Variants in ADAM10 observed in about 807,000 individuals in gnomAD.
ADAM10 encodes the protein ADAM metallopeptidase domain 10, also known as disintegrin and metalloproteinase domain-containing protein 10.
A neutral mutation model predicts 90.1 loss-of-function variants in ADAM10; 17 were observed. The observed-to-expected ratio is 0.19, with a 90% CI of 0.13 to 0.28. The LOEUF (loss-of-function observed/expected upper bound fraction) is 0.28. Ranked by LOEUF, ADAM10 falls within the 10% of genes least tolerant of loss-of-function variation. ADAM10 has a pLI of 1.00. For missense variants in ADAM10, 610 were observed against 914.3 expected, an observed-to-expected ratio of 0.67 and a Z score of 4.29; for synonymous variants, 310 against 298.6, an observed-to-expected ratio of 1.04 and a Z score of -0.40.
chr15:58,661,850 A>G (rs544034438), intron 5 of ADAM10, among the ~76,000 whole-genome samples: 39 of 152,248 alleles, frequency 2.6e-4, no homozygotes, highest in African/African-American at 8.9e-4. Flanking sequence ...TGCAGTAATT[A>G]ATTTTCTTTT....
At chr15:58,744,571 A>G (rs1293777510) in intron 1 of ADAM10, among the ~76,000 whole-genome samples, 1 of 152,234 alleles carries the variant, frequency 6.6e-6, no homozygotes, top group Non-Finnish European at 1.5e-5. Context: ...GAAAAATTAA[A>G]AACAGAAACT....
At chr15:58,638,645 A>G (rs976552410) in intron 8 of ADAM10, among the ~76,000 whole-genome samples, 2 of 151,168 alleles carry the variant, frequency 1.3e-5, no homozygotes, top group Admixed American at 6.6e-5. Context: ...AGAAAATACA[A>G]GTAACATGCC....
chr15:58,729,422 G>A (rs915797105), intron 1 of ADAM10, among the ~76,000 whole-genome samples: 1 of 152,120 alleles, frequency 6.6e-6, no homozygotes, highest in Non-Finnish European at 1.5e-5. Context: ...GGTATCTCCG[G>A]GGAAAGTGTT....
chr15:58,731,892 T>C (rs1266966684), intron 1 of ADAM10, among the ~76,000 whole-genome samples: 1 of 152,162 alleles, frequency 6.6e-6, no homozygotes, highest in Non-Finnish European at 1.5e-5. Flanking sequence ...ATTCTCTGAA[T>C]AGCAACCACA....
chr15:58,624,305 AAC>A (rs1332205569), intron 10 of ADAM10, among the ~76,000 whole-genome samples: 2 of 151,798 alleles, frequency 1.3e-5, no homozygotes, highest in Admixed American at 6.6e-5. Flanking sequence ...CAAAAACAAA[AAC>A]AAAAAAAACT....
intron 5 of ADAM10, among the ~76,000 whole-genome samples, chr15:58,647,360 A>C (rs1283601293): frequency 2.1e-5 from 3 of 142,100 alleles, no homozygotes; most frequent in Admixed American, 7.5e-5. Flanking sequence ...TCCCGGGTTC[A>C]CGCCATTCTC....
intron 5 of ADAM10, among the ~76,000 whole-genome samples, chr15:58,653,095 A>C (rs1422182730): frequency 1.3e-5 from 2 of 152,110 alleles, no homozygotes; most frequent in African/African-American, 4.8e-5. Context: ...GTATTTGTTT[A>C]TCAGTTCTAA....
chr15:58,667,729 T>A (rs1897109722), intron 4 of ADAM10, among the ~76,000 whole-genome samples: 1 of 152,040 alleles, frequency 6.6e-6, no homozygotes, highest in South Asian at 2.1e-4. Flanking sequence ...CAACAAGGAT[T>A]CACTGATGGA....
chr15:58,726,520 G>A lies in ADAM10; in HGVS notation c.56-8793C>T, dbSNP rs1899032488. On this transcript the variant is annotated intron_variant, in intron 1 of 15. Coordinates refer to ENST00000260408, the MANE Select transcript of ADAM10 (RefSeq NM_001110.4). ...GCAGAGGTTGCAGTGAGCCGAGATCGCGCCACTACACTCCAGCCTGGGCGA... is the reference window on the plus strand; with the variant it reads ...GCAGAGGTTGCAGTGAGCCGAGATCACGCCACTACACTCCAGCCTGGGCGA... Among the ~76,000 whole-genome samples the A allele has an allele frequency of 2.5e-5, 3 of 120,594 alleles. No homozygotes were observed. The South Asian group carries it at 8.1e-4, about 33-fold the overall frequency. The allele number at this position is 120,594 out of a possible 152,430, so 79.1% of individuals were successfully genotyped here.
chr15:58,720,620 C>T (rs1898821424), intron 1 of ADAM10, among the ~76,000 whole-genome samples: 1 of 151,694 alleles, frequency 6.6e-6, no homozygotes, highest in Non-Finnish European at 1.5e-5. Flanking sequence ...TCAGGATAGT[C>T]TCGATCTCCT....
chr15:58,674,877 G>T (rs951045504), intron 4 of ADAM10, among the ~76,000 whole-genome samples: 2 of 152,214 alleles, frequency 1.3e-5, no homozygotes, highest in Admixed American at 6.5e-5. Flanking sequence ...AAGTAGGGGT[G>T]CCCTACTACT....
At chr15:58,628,345 T>C (rs541601585) in intron 9 of ADAM10, among the ~76,000 whole-genome samples, 1 of 152,150 alleles carries the variant, frequency 6.6e-6, no homozygotes, top group East Asian at 1.9e-4. Flanking sequence ...AGAACAGGAA[T>C]CTAAGACAGC....
chr15:58,707,253 G>A (rs2555787), intron 2 of ADAM10: 5,286 of 151,430 alleles, frequency 0.035, 101 homozygotes, highest in Middle Eastern at 0.051. Context: ...GCGTGGTGGC[G>A]TGCCCCTGTA....
intron 8 of ADAM10, among the ~76,000 whole-genome samples, chr15:58,634,383 A>T (rs1896191999): frequency 6.6e-6 from 1 of 152,124 alleles, no homozygotes; most frequent in Non-Finnish European, 1.5e-5. Flanking sequence ...AAAAAATTAA[A>T]AACTGAATTA....
intron 10 of ADAM10, among the ~76,000 whole-genome samples, chr15:58,626,453 G>A (rs1895947930): frequency 6.6e-6 from 1 of 152,048 alleles, no homozygotes; most frequent in Admixed American, 6.6e-5. Flanking sequence ...AGGCCTCAGT[G>A]TTTCCCCTAA....
chr15:58,727,206 C>T (rs76729207), intron 1 of ADAM10, among the ~76,000 whole-genome samples: 9,581 of 49,502 alleles, frequency 0.19, 1,734 homozygotes, highest in East Asian at 0.6. Flanking sequence ...TTTTTTTTTT[C>T]CCAAAAACAG....
intron 2 of ADAM10, among the ~76,000 whole-genome samples, chr15:58,714,094 G>A (rs986891935): frequency 3.3e-5 from 5 of 151,776 alleles, no homozygotes; most frequent in East Asian, 1.9e-4. Context: ...ATGAGCCACC[G>A]CACCTGGCCA....
In ADAM10 at chr15:58,596,512, T is replaced by G. The variant is rs535022549; in HGVS notation, c.*1035A>C. On this transcript the variant is annotated 3_prime_UTR_variant, in exon 16 of 16. Coordinates refer to ENST00000260408, the MANE Select transcript of ADAM10 (RefSeq NM_001110.4). ...GTGATGATATGCTGAAAAAACCGTT[T>G]AAATATTTTGATAAAGACACAGCTT... is the stretch of plus-strand genomic sequence containing the variant. 3.9e-5 allele frequency: 6 copies of G among 152,730 alleles called. 1 individual carries two copies. The South Asian group carries it at 1.2e-3, about 32-fold the overall frequency. 9.5% of individuals were successfully genotyped at this position (152,730 alleles called of 1,614,324 possible). A position where few individuals can be genotyped will look rare whatever the true frequency, so the allele number is the denominator to read the frequency against.
At position 58,621,627 on chromosome 15, in the gene ADAM10, G is replaced by A. The variant is rs773038502; in HGVS notation, c.1361-6C>T. The A allele has an allele frequency of 2.5e-6, 4 of 1,613,630 alleles. No individual in the cohort carries two copies. The South Asian group carries it at 4.4e-5, about 18-fold the overall frequency. ...ACAAATAGGTTGGCCAGATTCTGAG[G>A]AAAATAAACAAGACAAAGTAAGCAT... On this transcript the variant is annotated splice_polypyrimidine_tract_variant and splice_region_variant and intron_variant, in intron 10 of 15. Coordinates refer to ENST00000260408, the MANE Select transcript of ADAM10 (RefSeq NM_001110.4).
Sources: allele counts gnomAD v4.1 joint callset (sites outside exome capture counted in the v4.1 genomes callset), GRCh38; gene constraint gnomAD v4.1.1; transcripts MANE v1.5; gene names NCBI Gene and HGNC (gene_info 2026-07-23, HGNC 2026-07-21).